The following SEL1L variants were observed in gnomAD, a reference collection of about 807,000 sequenced individuals.
The protein encoded by SEL1L is protein sel-1 homolog 1.
Under a neutral mutation model 109.8 loss-of-function variants are expected in SEL1L, and 52 were observed. That is an observed-to-expected ratio of 0.47 (90% CI 0.38 to 0.60). SEL1L has a LOEUF of 0.60. Among genes scored for constraint, SEL1L ranks in the 20% least tolerant of loss-of-function variants. The pLI is 0.00. For missense variants in SEL1L, 749 were observed against 962.2 expected, an observed-to-expected ratio of 0.78 and a Z score of 2.93; for synonymous variants, 373 against 339.6, an observed-to-expected ratio of 1.10 and a Z score of -1.08.
At chr14:81,504,518 T>A (rs1033375735) in intron 4 of SEL1L, among the ~76,000 whole-genome samples, 3 of 151,940 alleles carry the variant, frequency 2.0e-5, no homozygotes, top group Non-Finnish European at 2.9e-5. Flanking sequence ...TATATAAAAT[T>A]CACTGAAATC....
intron 3 of SEL1L, among the ~76,000 whole-genome samples, chr14:81,519,927 A>G (rs1344439613): frequency 6.6e-6 from 1 of 152,182 alleles, no homozygotes. Flanking sequence ...TGCTTAGGGA[A>G]GGGGTACACT....
chr14:81,520,470 TAAAAC>T (rs1367622186), intron 3 of SEL1L, among the ~76,000 whole-genome samples: 3 of 152,202 alleles, frequency 2.0e-5, no homozygotes, highest in African/African-American at 7.2e-5. Flanking sequence ...TTTATTATGA[TAAAAC>T]AAAATAACAT....
At chr14:81,526,090 A>C (rs1885101227) in intron 3 of SEL1L, among the ~76,000 whole-genome samples, 1 of 152,184 alleles carries the variant, frequency 6.6e-6, no homozygotes, top group African/African-American at 2.4e-5. Flanking sequence ...TAATAAACAG[A>C]TAAGGCAGTG....
intron 3 of SEL1L, among the ~76,000 whole-genome samples, chr14:81,521,734 T>A (rs1460765569): frequency 6.6e-6 from 1 of 152,230 alleles, no homozygotes; most frequent in Non-Finnish European, 1.5e-5. Context: ...AACAACTATG[T>A]TACTGGTCTA....
At chr14:81,480,772 C>T (rs991623836) in intron 19 of SEL1L, among the ~76,000 whole-genome samples, 22 of 152,148 alleles carry the variant, frequency 1.4e-4, no homozygotes, top group Admixed American at 6.5e-5. Flanking sequence ...TTAAGGGACT[C>T]GATTCTGCAG....
chr14:81,501,592 T>C (rs1884009454), intron 6 of SEL1L, among the ~76,000 whole-genome samples: 1 of 152,190 alleles, frequency 6.6e-6, no homozygotes, highest in African/African-American at 2.4e-5. Context: ...TTATGACTCC[T>C]GTTATTGTTT....
chr14:81,527,655 T>C (rs902101135), intron 2 of SEL1L, 46 bp downstream of exon 2: 12 of 1,419,900 alleles, frequency 8.5e-6, no homozygotes, highest in Non-Finnish European at 1.2e-5. Flanking sequence ...ATTCATCCTT[T>C]TAAATCAGGC....
intron 1 of SEL1L, among the ~76,000 whole-genome samples, chr14:81,531,547 G>A (rs1409988584): frequency 6.6e-6 from 1 of 151,814 alleles, no homozygotes; most frequent in Non-Finnish European, 1.5e-5. Flanking sequence ...ATTTAACACA[G>A]GGTTGTTTTT....
chr14:81,497,781 T>C (rs750825335), intron 10 of SEL1L, 111 bp downstream of exon 10: 16 of 958,116 alleles, frequency 1.7e-5, no homozygotes, highest in Non-Finnish European at 2.4e-5. Flanking sequence ...AGTTCATAAT[T>C]GCTCAGGGCA....
At chr14:81,482,387 A>C (rs908947249) in intron 19 of SEL1L, among the ~76,000 whole-genome samples, 11 of 152,218 alleles carry the variant, frequency 7.2e-5, no homozygotes, top group Non-Finnish European at 2.9e-5. Context: ...CTTGAATTAA[A>C]AATAAAGTCA....
chr14:81,506,411 T>G (rs1014357943), intron 3 of SEL1L, among the ~76,000 whole-genome samples, 170 bp from the exon 4 acceptor site: 1 of 152,210 alleles, frequency 6.6e-6, no homozygotes, highest in African/African-American at 2.4e-5. Flanking sequence ...AGGACTTGGT[T>G]TAGTCAATTT....
intron 3 of SEL1L, among the ~76,000 whole-genome samples, chr14:81,521,104 T>C (rs1488904891): frequency 6.6e-6 from 1 of 152,230 alleles, no homozygotes; most frequent in Non-Finnish European, 1.5e-5. Flanking sequence ...GTTCAATTTG[T>C]CAATCTGATT....
At chr14:81,511,430 G>A (rs141228800) in intron 3 of SEL1L, among the ~76,000 whole-genome samples, 3 of 152,352 alleles carry the variant, frequency 2.0e-5, no homozygotes, top group East Asian at 1.9e-4. Flanking sequence ...GAAAGCTGCT[G>A]TTTAAGAACA....
chr14:81,529,761 C>T (rs1885255243), intron 1 of SEL1L, among the ~76,000 whole-genome samples: 2 of 152,186 alleles, frequency 1.3e-5, no homozygotes, highest in African/African-American at 2.4e-5. Context: ...ATGGTAGTCT[C>T]AAAGCATAAG....
At chr14:81,506,277 C>T (rs376359451) in intron 3 of SEL1L, 36 bp from the exon 4 acceptor site, 1 of 1,518,876 alleles carries the variant, frequency 6.6e-7, no homozygotes, top group South Asian at 1.3e-5. Context: ...AAACATGAAA[C>T]AACACCTCTG....
At chr14:81,495,890 C>T (rs1358649925) in intron 10 of SEL1L, among the ~76,000 whole-genome samples, 1 of 150,312 alleles carries the variant, frequency 6.7e-6, no homozygotes, top group Non-Finnish European at 1.5e-5. Flanking sequence ...GTGCCGAGAT[C>T]GTGCCACTGC....
Position 81,497,755 on chromosome 14 carries a change from G to A in SEL1L, c.1128+137C>T, listed in dbSNP as rs541680374. On this transcript the variant is annotated intron_variant, in intron 10 of 20. Coordinates refer to ENST00000336735, the MANE Select transcript of SEL1L (RefSeq NM_005065.6). ...TTGGTTTTTTTTTTTAAGGGGCTCA[G>A]GTGATTCTAATATGTAGTTCATAAT... 65 of 735,044 alleles carry A rather than the reference G, an allele frequency of 8.8e-5. No individual in the cohort carries two copies. The African/African-American group carries it at 1.2e-3, about 13-fold the overall frequency. 45.5% of individuals were successfully genotyped at this position (735,044 alleles called of 1,614,324 possible). A position where few individuals can be genotyped will look rare whatever the true frequency, so the allele number is the denominator to read the frequency against.
Position 81,487,513 on chromosome 14 carries a change from A to G in SEL1L, c.1509T>C (p.Tyr503=). 6.2e-7 allele frequency: 1 copy of G among 1,604,430 alleles called. No individual in the cohort carries two copies. Among genetic ancestry groups the G allele is most frequent in the Non-Finnish European group, 8.5e-7 (1 of 1,178,128 alleles). The change falls in exon 16 of 21, where the codon TAT becomes TAC. Residue 503 remains tyrosine (Y), a synonymous_variant. Coordinates refer to ENST00000336735, the MANE Select transcript of SEL1L (RefSeq NM_005065.6). Reference sequence around the variant, plus strand: ...AATTAAAATACTTCAAGGCCTGTTTATAATCTCTCTTGACTCCAATGCCAT... The same window carrying G: ...AATTAAAATACTTCAAGGCCTGTTTGTAATCTCTCTTGACTCCAATGCCAT... ...YYNGIGVKRD[Y]KQALKYFNLA...
intron 3 of SEL1L, among the ~76,000 whole-genome samples, chr14:81,521,191 C>T (rs1040177019): frequency 1.3e-5 from 2 of 152,098 alleles, no homozygotes; most frequent in Non-Finnish European, 1.5e-5. Context: ...ACCCAATGCA[C>T]CAAAAAGGCC....
Sources: gnomAD v4.1 joint callset for allele counts (sites outside exome capture counted in the v4.1 genomes callset) on GRCh38, gnomAD v4.1.1 for gene constraint, MANE v1.5 for transcripts, NCBI Gene and HGNC (gene_info 2026-07-23, HGNC 2026-07-21) for gene names.